CMC1: variants seen among roughly 807,000 people sequenced by gnomAD.
CMC1 encodes COX assembly mitochondrial protein homolog.
Under a neutral mutation model 14.1 loss-of-function variants are expected in CMC1, and 14 were observed. The observed-to-expected ratio is 0.99, with a 90% CI of 0.66 to 1.55. The LOEUF is 1.55. Ranked by LOEUF, CMC1 falls within the 40% of genes most tolerant of loss-of-function variation. The pLI is 0.00. For missense variants in CMC1, 127 were observed against 123.8 expected (o/e 1.03, Z -0.12); for synonymous variants, 50 against 38.4 (o/e 1.30, Z -1.12).
chr3:28,259,169 A>G (rs566323549), intron 1 of CMC1, among the ~76,000 whole-genome samples: 21 of 151,704 alleles, frequency 1.4e-4, no homozygotes, highest in Non-Finnish European at 2.4e-4. Context: ...TAATAATAAT[A>G]GGAAACTACA....
At position 28,319,886 on chromosome 3, in the gene CMC1, C is replaced by G. The variant is rs1405633035; in HGVS notation, c.*257C>G. The G allele has an allele frequency of 3.9e-6, 1 of 259,382 alleles. No individual in the cohort carries two copies. Among genetic ancestry groups the G allele is most frequent in the Non-Finnish European group, 7.3e-6 (1 of 136,722 alleles). 16.1% of individuals were successfully genotyped at this position (259,382 alleles called of 1,614,324 possible). Reference sequence around the variant, plus strand: ...CAACTATAGTTCTATAACAGTGATACTGATTTTTTAGAGTTCAATATGGTC... The same window carrying G: ...CAACTATAGTTCTATAACAGTGATAGTGATTTTTTAGAGTTCAATATGGTC... On this transcript the variant is annotated 3_prime_UTR_variant, in exon 4 of 4. Coordinates refer to ENST00000466830, the MANE Select transcript of CMC1 (RefSeq NM_182523.2).
At chr3:28,241,989 G>A in intron 1 of CMC1, 177 bp downstream of exon 1, 1 of 527,614 alleles carries the variant, frequency 1.9e-6, no homozygotes, top group East Asian at 3.5e-5. Flanking sequence ...CTTCTCACTT[G>A]TTGGGGATTA....
At chr3:28,284,277 TC>T (rs1233321467) in intron 2 of CMC1, among the ~76,000 whole-genome samples, 2 of 152,190 alleles carry the variant, frequency 1.3e-5, no homozygotes, top group Non-Finnish European at 2.9e-5. Context: ...TTTTGTGTTA[TC>T]TTTTTCTTTC....
chr3:28,261,419 T>C (rs777685297), intron 1 of CMC1, among the ~76,000 whole-genome samples: 2 of 152,164 alleles, frequency 1.3e-5, no homozygotes, highest in Non-Finnish European at 2.9e-5. Flanking sequence ...TTGGTAGATG[T>C]TCTGGTTTAC....
intron 1 of CMC1, among the ~76,000 whole-genome samples, chr3:28,260,047 A>G (rs183896662): frequency 2.6e-5 from 4 of 151,684 alleles, no homozygotes; most frequent in Admixed American, 6.6e-5. Flanking sequence ...ATTTTGTCCA[A>G]TTTTTTTTGG....
At chr3:28,266,707 A>C (rs1166398385) in intron 2 of CMC1, among the ~76,000 whole-genome samples, 1 of 152,142 alleles carries the variant, frequency 6.6e-6, no homozygotes, top group Non-Finnish European at 1.5e-5. Flanking sequence ...TGATTTGATT[A>C]CAAAGGAGAA....
At chr3:28,248,556 T>A (rs1013949485) in intron 1 of CMC1, among the ~76,000 whole-genome samples, 7 of 152,188 alleles carry the variant, frequency 4.6e-5, no homozygotes, top group African/African-American at 1.7e-4. Context: ...TCTCAAGGGG[T>A]TCTTGACTCC....
chr3:28,268,519 T>G (rs1434378600), intron 2 of CMC1, among the ~76,000 whole-genome samples: 2 of 152,134 alleles, frequency 1.3e-5, no homozygotes, highest in African/African-American at 2.4e-5. Flanking sequence ...GTACCAAAAT[T>G]TCAGATTCCC....
At chr3:28,255,416 G>GT (rs1374385798) in intron 1 of CMC1, among the ~76,000 whole-genome samples, 1 of 151,108 alleles carries the variant, frequency 6.6e-6, no homozygotes, top group Admixed American at 6.6e-5. Flanking sequence ...GATTTTTGTA[G>GT]TTTTTTTTCA....
intron 2 of CMC1, among the ~76,000 whole-genome samples, chr3:28,299,554 A>T (rs918537240): frequency 6.6e-6 from 1 of 152,244 alleles, no homozygotes; most frequent in South Asian, 2.1e-4. Context: ...AATTCATTCT[A>T]TACACAGACT....
chr3:28,306,681 G>A (rs958268888), intron 2 of CMC1, among the ~76,000 whole-genome samples: 3 of 141,004 alleles, frequency 2.1e-5, no homozygotes, highest in Non-Finnish European at 4.6e-5. Context: ...TCTTGCTCTT[G>A]TCACCCAGGC....
chr3:28,297,378 G>A (rs533064625), intron 2 of CMC1, among the ~76,000 whole-genome samples: 1 of 152,018 alleles, frequency 6.6e-6, no homozygotes, highest in Non-Finnish European at 1.5e-5. Flanking sequence ...TACTGTGGCA[G>A]CCTCATAGGA....
At chr3:28,265,515 A>G (rs377199335) in intron 2 of CMC1, among the ~76,000 whole-genome samples, 1 of 152,160 alleles carries the variant, frequency 6.6e-6, no homozygotes, top group African/African-American at 2.4e-5. Context: ...ATATATGCCA[A>G]TTGTATGGTT....
At chr3:28,263,649 G>T (rs545035405) in intron 2 of CMC1, among the ~76,000 whole-genome samples, 1 of 152,056 alleles carries the variant, frequency 6.6e-6, no homozygotes, top group Admixed American at 6.6e-5. Context: ...GAAAAACTTG[G>T]TATGAGTAAT....
At chr3:28,277,723 C>A (rs1327907760) in intron 2 of CMC1, among the ~76,000 whole-genome samples, 1 of 152,012 alleles carries the variant, frequency 6.6e-6, no homozygotes, top group South Asian at 2.1e-4. Flanking sequence ...ATGATCTTGG[C>A]AGAAGGAATA....
intron 2 of CMC1, among the ~76,000 whole-genome samples, chr3:28,272,476 A>T (rs1313595375): frequency 6.6e-6 from 1 of 152,152 alleles, no homozygotes; most frequent in Non-Finnish European, 1.5e-5. Flanking sequence ...CTGTTGAGAT[A>T]ATCATGTAGT....
At chr3:28,305,072 C>T (rs971083516) in intron 2 of CMC1, among the ~76,000 whole-genome samples, 11 of 152,034 alleles carry the variant, frequency 7.2e-5, no homozygotes, top group African/African-American at 1.2e-4. Flanking sequence ...GTTTTTCAGC[C>T]GTTGTCCTTC....
At chr3:28,280,940 C>T (rs909154268) in intron 2 of CMC1, among the ~76,000 whole-genome samples, 1 of 152,204 alleles carries the variant, frequency 6.6e-6, no homozygotes, top group East Asian at 1.9e-4. Flanking sequence ...CAGCCATGCT[C>T]ATTTACTTAT....
chr3:28,254,218 A>G (rs1486901526), intron 1 of CMC1, among the ~76,000 whole-genome samples: 5 of 152,236 alleles, frequency 3.3e-5, no homozygotes, highest in Admixed American at 6.5e-5. Context: ...ACAAATGTAT[A>G]ACATATATAC....
Sources: gnomAD v4.1 joint callset for allele counts (sites outside exome capture counted in the v4.1 genomes callset) on GRCh38, gnomAD v4.1.1 for gene constraint, MANE v1.5 for transcripts, NCBI Gene and HGNC (gene_info 2026-07-23, HGNC 2026-07-21) for gene names.